RIMS4: variants seen among roughly 807,000 people sequenced by gnomAD.
RIMS4 encodes regulating synaptic membrane exocytosis protein 4.
In RIMS4, 9 loss-of-function variants were observed where a neutral mutation model predicts 29.0. The ratio of observed to expected loss-of-function variants is 0.31; its 90% CI spans 0.19 to 0.54. The LOEUF (loss-of-function observed/expected upper bound fraction) is 0.54. RIMS4 is among the 20% of genes least tolerant of loss of function. RIMS4 has a pLI of 0.94. For synonymous variants in RIMS4, 130 were observed against 152.9 expected, an observed-to-expected ratio of 0.85 and a Z score of 1.10; for missense variants, 193 against 365.7, an observed-to-expected ratio of 0.53 and a Z score of 3.85.
At chr20:44,801,069 C>T (rs2066275695) in intron 1 of RIMS4, among the ~76,000 whole-genome samples, 2 of 152,156 alleles carry the variant, frequency 1.3e-5, no homozygotes, top group Non-Finnish European at 2.9e-5. Flanking sequence ...ATCTCTAATT[C>T]CATTTTGCAA....
At chr20:44,757,128 T>C in intron 4 of RIMS4, 91 bp from the exon 5 acceptor site, 19 of 1,394,474 alleles carry the variant, frequency 1.4e-5, no homozygotes, top group Non-Finnish European at 1.9e-5. Flanking sequence ...CACCCTCTGC[T>C]GGAGATAGGT....
At chr20:44,804,516 A>G (rs2066290022) in intron 1 of RIMS4, among the ~76,000 whole-genome samples, 1 of 152,206 alleles carries the variant, frequency 6.6e-6, no homozygotes, top group Non-Finnish European at 1.5e-5. Context: ...AAAAGACATG[A>G]TGAAATGATG....
intron 1 of RIMS4, among the ~76,000 whole-genome samples, chr20:44,773,201 C>T (rs541649978): frequency 6.6e-6 from 1 of 152,136 alleles, no homozygotes; most frequent in Non-Finnish European, 1.5e-5. Context: ...TAGGTGTATA[C>T]ACATCTTCCC....
chr20:44,802,805 G>GC, intron 1 of RIMS4, among the ~76,000 whole-genome samples: 1 of 152,162 alleles, frequency 6.6e-6, no homozygotes, highest in East Asian at 1.9e-4. Context: ...GAGATAATTT[G>GC]CCCCCTTCTC....
At position 44,771,342 on chromosome 20, in the gene RIMS4, G is replaced by A. The variant is rs749628393; in HGVS notation, c.169C>T (p.Arg57Trp). 2.7e-5 allele frequency: 44 copies of A among 1,613,818 alleles called. No individual in the cohort carries two copies. The highest frequency in any genetic ancestry group is 2.7e-4 in the Admixed American group (16 of 60,002). ...ETGLAVEMPS[R>W]TLRQASHESI... ...TCGTGGCTGGCCTGGCGCAGTGTCCGGCTGGGCATCTCCACTGCCAGGCCC... is the reference window on the plus strand; with the variant it reads ...TCGTGGCTGGCCTGGCGCAGTGTCCAGCTGGGCATCTCCACTGCCAGGCCC... Residue 57 changes from arginine (R) to tryptophan (W), a missense_variant, in exon 2 of 6, where the codon CGG becomes TGG. Coordinates refer to ENST00000372851, the MANE Select transcript of RIMS4 (RefSeq NM_182970.4).
At chr20:44,768,843 T>G (rs2066124826) in intron 2 of RIMS4, among the ~76,000 whole-genome samples, 1 of 152,206 alleles carries the variant, frequency 6.6e-6, no homozygotes, top group Non-Finnish European at 1.5e-5. Context: ...CTATATCCGT[T>G]AGAATGCAAC....
chr20:44,806,078 C>G (rs1336820718), intron 1 of RIMS4, among the ~76,000 whole-genome samples: 1 of 152,226 alleles, frequency 6.6e-6, no homozygotes, highest in East Asian at 1.9e-4. Context: ...GTGGCCCAAA[C>G]CGCTAGGAGA....
intron 2 of RIMS4, 88 bp from the exon 3 acceptor site, chr20:44,758,272 A>AGGT: frequency 2.3e-6 from 2 of 859,252 alleles, no homozygotes; most frequent in Non-Finnish European, 3.7e-6. Flanking sequence ...CATGCAATGG[A>AGGT]TATGCTGAAA....
chr20:44,810,162 G>T lies in RIMS4; in HGVS notation c.97+13C>A. 1 of 1,562,376 alleles carries T rather than the reference G, an allele frequency of 6.4e-7. No individual in the cohort carries two copies. Among genetic ancestry groups the T allele is most frequent in the Non-Finnish European group, 8.7e-7 (1 of 1,146,536 alleles). ...GACACCCCGGGGGTCTGGGGGGCGG[G>T]CCGCGCGCTTACCTGCGTCCTCGTC... is the stretch of plus-strand genomic sequence containing the variant. On this transcript the variant is annotated intron_variant, in intron 1 of 5. Coordinates refer to ENST00000372851, the MANE Select transcript of RIMS4 (RefSeq NM_182970.4).
chr20:44,804,656 C>T (rs1309346552), intron 1 of RIMS4, among the ~76,000 whole-genome samples: 2 of 152,182 alleles, frequency 1.3e-5, no homozygotes, highest in South Asian at 2.1e-4. Flanking sequence ...CTCCCTTCAC[C>T]CCCACTCAGC....
chr20:44,759,129 G>A (rs190632506), intron 2 of RIMS4, among the ~76,000 whole-genome samples: 150 of 152,250 alleles, frequency 9.9e-4, no homozygotes, highest in South Asian at 3.5e-3. Context: ...TATTAAGTGC[G>A]ATGAGGCACT....
chr20:44,798,339 C>T (rs2066263424), intron 1 of RIMS4, among the ~76,000 whole-genome samples: 1 of 152,226 alleles, frequency 6.6e-6, no homozygotes, highest in Admixed American at 6.5e-5. Context: ...TTCTGCCCCT[C>T]ACTAGCTGTA....
chr20:44,773,962 CT>C (rs2145456271), intron 1 of RIMS4, among the ~76,000 whole-genome samples: 1 of 152,296 alleles, frequency 6.6e-6, no homozygotes, highest in East Asian at 1.9e-4. Context: ...GGAGAAAGAC[CT>C]TCCAATGCCC....
chr20:44,762,846 T>C (rs1299098943), intron 2 of RIMS4, among the ~76,000 whole-genome samples: 1 of 152,164 alleles, frequency 6.6e-6, no homozygotes, highest in African/African-American at 2.4e-5. Flanking sequence ...CAAATCTGCC[T>C]CTACAACTCA....
chr20:44,763,780 G>A (rs905105394), intron 2 of RIMS4, among the ~76,000 whole-genome samples: 5 of 152,176 alleles, frequency 3.3e-5, no homozygotes, highest in Non-Finnish European at 7.3e-5. Context: ...GAAGTAACTG[G>A]CTCACGCAGG....
chr20:44,803,060 C>T (rs2066283624), intron 1 of RIMS4, among the ~76,000 whole-genome samples: 1 of 152,184 alleles, frequency 6.6e-6, no homozygotes, highest in Admixed American at 6.5e-5. Flanking sequence ...CATCATCGTT[C>T]CATTTTCATT....
chr20:44,799,660 C>T (rs1330343571), intron 1 of RIMS4, among the ~76,000 whole-genome samples: 2 of 152,198 alleles, frequency 1.3e-5, no homozygotes, highest in Admixed American at 6.5e-5. Flanking sequence ...TCACTAGGGA[C>T]ACTGAGTGCT....
chr20:44,789,845 G>A (rs569311744), intron 1 of RIMS4, among the ~76,000 whole-genome samples: 1 of 152,338 alleles, frequency 6.6e-6, no homozygotes, highest in East Asian at 1.9e-4. Flanking sequence ...GTCATGAGAT[G>A]AGCCACTGTG....
At chr20:44,765,260 C>T (rs536634478) in intron 2 of RIMS4, among the ~76,000 whole-genome samples, 52 of 152,188 alleles carry the variant, frequency 3.4e-4, no homozygotes, top group African/African-American at 8.7e-4. Context: ...TCAGCCTTGC[C>T]CAGAGCAAAG....
Sources: allele counts gnomAD v4.1 joint callset (sites outside exome capture counted in the v4.1 genomes callset), GRCh38; gene constraint gnomAD v4.1.1; transcripts MANE v1.5; gene names NCBI Gene and HGNC (gene_info 2026-07-23, HGNC 2026-07-21).